Variants in GRID2 observed in about 807,000 individuals in gnomAD.
GRID2 encodes glutamate receptor ionotropic, delta-2.
A neutral mutation model predicts 114.8 loss-of-function variants in GRID2; 33 were observed. The observed-to-expected ratio is 0.29, with a 90% CI of 0.22 to 0.38. The LOEUF is 0.38. Ranked by LOEUF, GRID2 falls within the 10% of genes least tolerant of loss-of-function variation. The pLI is 1.00. For missense variants in GRID2, 1,184 were observed against 1,257.7 expected, an observed-to-expected ratio of 0.94 and a Z score of 0.89; for synonymous variants, 505 against 449.9, an observed-to-expected ratio of 1.12 and a Z score of -1.55.
intron 2 of GRID2, among the ~76,000 whole-genome samples, chr4:93,029,431 T>C (rs917775390): frequency 6.6e-6 from 1 of 152,102 alleles, no homozygotes; most frequent in Non-Finnish European, 1.5e-5. Context: ...AAATAATAAT[T>C]GTTGTTCCTT....
At chr4:93,247,755 T>C (rs1343622064) in intron 8 of GRID2, among the ~76,000 whole-genome samples, 1 of 151,456 alleles carries the variant, frequency 6.6e-6, no homozygotes, top group Non-Finnish European at 1.5e-5. Flanking sequence ...TATTTAAATA[T>C]ATATTTATAT....
At chr4:92,922,947 CTGTT>C (rs1235553600) in intron 2 of GRID2, among the ~76,000 whole-genome samples, 1 of 152,186 alleles carries the variant, frequency 6.6e-6, no homozygotes, top group Non-Finnish European at 1.5e-5. Flanking sequence ...AAATATTCTG[CTGTT>C]TGTTCTGTGC....
chr4:93,018,119 G>A (rs1226741184), intron 2 of GRID2, among the ~76,000 whole-genome samples: 1 of 151,196 alleles, frequency 6.6e-6, no homozygotes, highest in Non-Finnish European at 1.5e-5. Flanking sequence ...TAGATATAAT[G>A]GATAGGCTAT....
At chr4:93,765,820 T>TA (rs1281531843) in intron 14 of GRID2, among the ~76,000 whole-genome samples, 4 of 151,598 alleles carry the variant, frequency 2.6e-5, no homozygotes, top group South Asian at 2.1e-4. Flanking sequence ...TTGAGGGCAT[T>TA]AAAAAAATGG....
intron 8 of GRID2, among the ~76,000 whole-genome samples, chr4:93,281,159 GT>G (rs1238750706): frequency 6.6e-6 from 1 of 151,898 alleles, no homozygotes; most frequent in Non-Finnish European, 1.5e-5. Flanking sequence ...CACGAGGGGA[GT>G]GGAGAGTCAC....
intron 14 of GRID2, among the ~76,000 whole-genome samples, chr4:93,719,459 A>G (rs1056859150): frequency 6.6e-6 from 1 of 151,976 alleles, no homozygotes; most frequent in African/African-American, 2.4e-5. Context: ...CTTTTTATAG[A>G]TAAAGTGATT....
chr4:93,117,202 T>A (rs1418314851), intron 4 of GRID2, among the ~76,000 whole-genome samples: 1 of 152,164 alleles, frequency 6.6e-6, no homozygotes, highest in Non-Finnish European at 1.5e-5. Flanking sequence ...TATGGTTATT[T>A]TACTGGAGGT....
intron 14 of GRID2, among the ~76,000 whole-genome samples, chr4:93,653,124 T>C (rs1031089712): frequency 1.3e-5 from 2 of 152,104 alleles, no homozygotes; most frequent in African/African-American, 4.8e-5. Flanking sequence ...AGAAATTTAA[T>C]CTAGATGAGA....
At chr4:92,308,228 T>C (rs185589519) in intron 1 of GRID2, among the ~76,000 whole-genome samples, 130 of 152,296 alleles carry the variant, frequency 8.5e-4, no homozygotes, top group African/African-American at 2.9e-3. Flanking sequence ...TTTTGCTTCA[T>C]ATCAACTATG....
chr4:93,549,723 A>AG (rs1733580344), intron 13 of GRID2, among the ~76,000 whole-genome samples: 1 of 152,190 alleles, frequency 6.6e-6, no homozygotes, highest in African/African-American at 2.4e-5. Context: ...GTTCATAAAA[A>AG]GGAGAGAACT....
intron 4 of GRID2, among the ~76,000 whole-genome samples, chr4:93,131,344 G>A (rs1734784418): frequency 6.6e-6 from 1 of 151,366 alleles, no homozygotes; most frequent in Non-Finnish European, 1.5e-5. Context: ...AGGAGAGACA[G>A]GGTTTCACCA....
chr4:93,005,077 C>T (rs542303407), intron 2 of GRID2, among the ~76,000 whole-genome samples: 14 of 152,090 alleles, frequency 9.2e-5, no homozygotes, highest in African/African-American at 3.1e-4. Context: ...ACCAGTGTTT[C>T]TACTGTGCTC....
At chr4:93,703,655 C>A (rs1337393681) in intron 14 of GRID2, among the ~76,000 whole-genome samples, 2 of 117,908 alleles carry the variant, frequency 1.7e-5, no homozygotes, top group Non-Finnish European at 3.4e-5. Flanking sequence ...CTCCCCCCAC[C>A]CCACAACAGT....
chr4:93,181,195 T>C (rs566074925), intron 4 of GRID2, among the ~76,000 whole-genome samples: 75 of 152,286 alleles, frequency 4.9e-4, no homozygotes, highest in African/African-American at 1.8e-3. Flanking sequence ...TTAATCTCCT[T>C]GTACATCTCC....
chr4:93,375,258 G>A (rs1304995780), intron 8 of GRID2, among the ~76,000 whole-genome samples: 2 of 144,342 alleles, frequency 1.4e-5, no homozygotes, highest in Non-Finnish European at 3.0e-5. Context: ...CTATCGCCCA[G>A]GCTGAAGTGC....
intron 1 of GRID2, among the ~76,000 whole-genome samples, chr4:92,371,392 T>C (rs1373995145): frequency 6.6e-6 from 1 of 152,100 alleles, no homozygotes; most frequent in African/African-American, 2.4e-5. Flanking sequence ...AGGCTGACTC[T>C]CATGTTAGGG....
intron 1 of GRID2, among the ~76,000 whole-genome samples, chr4:92,533,538 A>G (rs1725459630): frequency 6.6e-6 from 1 of 152,104 alleles, no homozygotes; most frequent in South Asian, 2.1e-4. Flanking sequence ...TCACATCTGA[A>G]GATTTCTTTT....
chr4:92,664,043 CCTT>C (rs1182888003), intron 2 of GRID2, among the ~76,000 whole-genome samples: 4 of 151,186 alleles, frequency 2.6e-5, no homozygotes, highest in South Asian at 2.1e-4. Flanking sequence ...TTATTTCCTT[CCTT>C]CTTCTACCTC....
chr4:92,664,399 T>G (rs1387366414), intron 2 of GRID2, among the ~76,000 whole-genome samples: 1 of 151,174 alleles, frequency 6.6e-6, no homozygotes, highest in Non-Finnish European at 1.5e-5. Flanking sequence ...TTTTCTTCTA[T>G]TATCGATTTC....
Sources: gnomAD v4.1 joint callset for allele counts (sites outside exome capture counted in the v4.1 genomes callset) on GRCh38, gnomAD v4.1.1 for gene constraint, MANE v1.5 for transcripts, NCBI Gene and HGNC (gene_info 2026-07-23, HGNC 2026-07-21) for gene names.